SCN11A: variants seen among roughly 807,000 people sequenced by gnomAD.
SCN11A encodes the protein sodium channel protein type 11 subunit alpha.
SCN11A carries 122 observed loss-of-function variants against 162.2 expected under a neutral mutation model. The observed-to-expected ratio is 0.75, with a 90% CI of 0.65 to 0.87. The LOEUF (loss-of-function observed/expected upper bound fraction) is 0.87. SCN11A is among the 40% of genes least tolerant of loss of function. The pLI is 0.00. For synonymous variants in SCN11A, 758 were observed against 751.5 expected, an observed-to-expected ratio of 1.01 and a Z score of -0.14; for missense variants, 2,015 against 2,181.6, an observed-to-expected ratio of 0.92 and a Z score of 1.52.
chr3:38,880,163 T>C, intron 22 of SCN11A, 40 bp from the exon 23 acceptor site: 1 of 1,472,592 alleles, frequency 6.8e-7, no homozygotes, highest in Non-Finnish European at 9.3e-7. Flanking sequence ...GGTTGAATAT[T>C]TGCAAAGAAC....
intron 7 of SCN11A, among the ~76,000 whole-genome samples, chr3:38,935,864 T>C (rs946218374): frequency 1.3e-5 from 2 of 152,216 alleles, no homozygotes; most frequent in Admixed American, 6.5e-5. Context: ...CCCTAACTCA[T>C]TTTATGAGGC....
At chr3:38,866,582 T>C (rs1421956258) in intron 27 of SCN11A, among the ~76,000 whole-genome samples, 1 of 152,162 alleles carries the variant, frequency 6.6e-6, no homozygotes, top group Non-Finnish European at 1.5e-5. Flanking sequence ...ACTAATGAGG[T>C]CAAAACTACA....
intron 7 of SCN11A, among the ~76,000 whole-genome samples, chr3:38,936,259 T>A (rs2066330048): frequency 6.6e-6 from 1 of 152,060 alleles, no homozygotes; most frequent in East Asian, 1.9e-4. Context: ...CCACAGCCAA[T>A]ATCATATTGA....
At chr3:39,024,816 T>C (rs929454037) in intron 2 of SCN11A, among the ~76,000 whole-genome samples, 3 of 152,166 alleles carry the variant, frequency 2.0e-5, no homozygotes, top group African/African-American at 7.2e-5. Context: ...CTATTAGCAT[T>C]AGATCATACC....
chr3:38,989,152 C>T (rs1381752450), intron 2 of SCN11A, among the ~76,000 whole-genome samples: 3 of 152,182 alleles, frequency 2.0e-5, no homozygotes, highest in Admixed American at 1.3e-4. Flanking sequence ...CCTGAGACTG[C>T]GATGCTGGGG....
At position 39,023,677 on chromosome 3, in the gene SCN11A, C is replaced by T. The variant is rs566615249; in HGVS notation, c.-280+8703G>A. Among the ~76,000 whole-genome samples the T allele has an allele frequency of 2.0e-5, 3 of 150,372 alleles. No homozygotes were observed. In the South Asian group the frequency reaches 6.3e-4, roughly 32 times the overall value. Reference sequence around the variant, plus strand: ...TTTTTTTTTGAGACAGAGTCTTGCTCTGTCACCCAGGCTGGAGTGCAGTGG... The same window carrying T: ...TTTTTTTTTGAGACAGAGTCTTGCTTTGTCACCCAGGCTGGAGTGCAGTGG... On this transcript the variant is annotated intron_variant, in intron 2 of 29. Coordinates refer to ENST00000302328, the MANE Select transcript of SCN11A (RefSeq NM_001349253.2).
intron 1 of SCN11A, among the ~76,000 whole-genome samples, chr3:39,049,905 C>T (rs964478220): frequency 6.6e-6 from 1 of 152,268 alleles, no homozygotes; most frequent in East Asian, 1.9e-4. Flanking sequence ...AACATCAAAA[C>T]ATACTGGTGA....
At chr3:38,986,798 T>C (rs929590860) in intron 2 of SCN11A, among the ~76,000 whole-genome samples, 22 of 152,180 alleles carry the variant, frequency 1.4e-4, no homozygotes, top group African/African-American at 5.3e-4. Flanking sequence ...CAATTAACCC[T>C]GCGATTTTTG....
At chr3:38,895,254 G>C (rs1430378890) in intron 18 of SCN11A, among the ~76,000 whole-genome samples, 2 of 152,192 alleles carry the variant, frequency 1.3e-5, no homozygotes, top group African/African-American at 4.8e-5. Flanking sequence ...AGCAGAATGG[G>C]ATAACCATAT....
At chr3:38,997,215 A>C (rs1001356903) in intron 2 of SCN11A, among the ~76,000 whole-genome samples, 1 of 152,118 alleles carries the variant, frequency 6.6e-6, no homozygotes, top group African/African-American at 2.4e-5. Flanking sequence ...CACTCCCATT[A>C]AATCTCTGAC....
intron 1 of SCN11A, among the ~76,000 whole-genome samples, chr3:39,044,964 G>GA (rs200626201): frequency 0.036 from 5,379 of 150,898 alleles, 305 homozygotes; most frequent in African/African-American, 0.12. Flanking sequence ...AATCAGAAAT[G>GA]AAAAAAAACA....
In SCN11A at chr3:38,894,971, A is replaced by G. The variant is rs373980344; in HGVS notation, c.2404-7T>C. ...CAATGAAGAGGTTGAGCACCTGGGA[A>G]TGGGGTGGGTAGCAAGAAGAAAGGA... is the stretch of plus-strand genomic sequence containing the variant. On this transcript the variant is annotated splice_polypyrimidine_tract_variant and splice_region_variant and intron_variant, in intron 18 of 29. Coordinates refer to ENST00000302328, the MANE Select transcript of SCN11A (RefSeq NM_001349253.2). 1 of 1,590,782 alleles carries G rather than the reference A, an allele frequency of 6.3e-7. No individual in the cohort carries two copies. The highest frequency in any genetic ancestry group is 1.4e-5 in the African/African-American group (1 of 74,020).
At position 38,894,893 on chromosome 3, in the gene SCN11A, T is replaced by C. The variant is rs1468458723; in HGVS notation, c.2475A>G (p.Gly825=). ...ACTGGACTTTAGTTTTCCTGGCCTC[T>C]CCTTCTAAGTTTCCATTTCTTTCCT... The part of the protein sequence containing the change: ...SNEERNGNLE[G]EARKTKVQLA... The change falls in exon 19 of 30, where the codon GGA becomes GGG. Residue 825 remains glycine (G), a synonymous_variant. Transcript: ENST00000302328. 1 of 1,614,188 alleles carries C rather than the reference T, an allele frequency of 6.2e-7. No individual in the cohort carries two copies. Among genetic ancestry groups the C allele is most frequent in the South Asian group, 1.1e-5 (1 of 91,082 alleles).
At chr3:39,037,196 CGTTAT>C (rs2031925211) in intron 1 of SCN11A, among the ~76,000 whole-genome samples, 1 of 152,004 alleles carries the variant, frequency 6.6e-6, no homozygotes, top group Non-Finnish European at 1.5e-5. Context: ...AACTGGAGGA[CGTTAT>C]GTTAAGTGAA....
chr3:38,969,858 G>A (rs558304486), intron 2 of SCN11A, among the ~76,000 whole-genome samples: 1 of 152,218 alleles, frequency 6.6e-6, no homozygotes, highest in African/African-American at 2.4e-5. Flanking sequence ...CTAGTCTTAA[G>A]AAGGCTCAGT....
chr3:38,949,957 A>T (rs1211805618), intron 5 of SCN11A, 139 bp downstream of exon 5: 5 of 620,980 alleles, frequency 8.1e-6, no homozygotes, highest in Non-Finnish European at 1.1e-5. Flanking sequence ...AGGCAATGCC[A>T]GGGGATGACA....
At chr3:38,996,511 C>T (rs1188874894) in intron 2 of SCN11A, among the ~76,000 whole-genome samples, 1 of 152,132 alleles carries the variant, frequency 6.6e-6, no homozygotes, top group Non-Finnish European at 1.5e-5. Flanking sequence ...TAGGAAGCTG[C>T]CATAAGGCCC....
chr3:39,051,427 C>T (rs1307075645), intron 1 of SCN11A, among the ~76,000 whole-genome samples: 1 of 152,136 alleles, frequency 6.6e-6, no homozygotes, highest in Non-Finnish European at 1.5e-5. Flanking sequence ...GGGCCTCCAG[C>T]TCCATCATGT....
At chr3:38,852,488 A>G (rs890804909) in intron 28 of SCN11A, among the ~76,000 whole-genome samples, 5 of 152,188 alleles carry the variant, frequency 3.3e-5, no homozygotes, top group Non-Finnish European at 5.9e-5. Context: ...TGGATTACCT[A>G]AAGTGTTGGA....
Sources: gnomAD v4.1 joint callset for allele counts (sites outside exome capture counted in the v4.1 genomes callset) on GRCh38, gnomAD v4.1.1 for gene constraint, MANE v1.5 for transcripts, NCBI Gene and HGNC (gene_info 2026-07-23, HGNC 2026-07-21) for gene names.